CNOT3: variants seen among roughly 807,000 people sequenced by gnomAD.
CNOT3 encodes CCR4-associated factor 3.
In CNOT3, 2 loss-of-function variants were observed where a neutral mutation model predicts 89.4. The ratio of observed to expected loss-of-function variants is 0.02; its 90% CI spans 0.01 to 0.07. The LOEUF (loss-of-function observed/expected upper bound fraction) is 0.07, where lower values mean the gene tolerates loss of function less well. Ranked by LOEUF, CNOT3 falls within the 10% of genes least tolerant of loss-of-function variation. The probability of loss-of-function intolerance (pLI) is 1.00; values close to 1 mark genes in which losing one functional copy is unlikely to be tolerated. For synonymous variants in CNOT3, 486 were observed against 402.0 expected (o/e 1.21, Z -2.50); for missense variants, 664 against 1,010.2 (o/e 0.66, Z 4.65).
Position 54,148,391 on chromosome 19 carries a change from C to G in CNOT3, c.1138C>G (p.Pro380Ala). 6.4e-7 allele frequency: 1 copy of G among 1,561,996 alleles called. No homozygotes were observed. The highest frequency in any genetic ancestry group is 8.7e-7 in the Non-Finnish European group (1 of 1,152,120). Reference protein sequence around the residue: ...PYAQAVAPPAPSGPSTTQPRP... With the variant: ...PYAQAVAPPAASGPSTTQPRP... ...TGCCCAGGCTGTGGCCCCACCAGCT[C>G]CCAGTGGGCCCAGCACGACCCAGCC... is the stretch of plus-strand genomic sequence containing the variant. Residue 380 changes from proline (P) to alanine (A), a missense_variant, in exon 11 of 18, where the codon CCC becomes GCC. Physicochemically the swap from Pro to Ala is conservative, Grantham distance 27. Around this residue, in one of 8 missense-constraint regions of CNOT3, gnomAD observed 545 missense variants for 566.2 expected, o/e 0.96. Transcript: ENST00000221232. The surrounding 1 kb of genome is among the most constrained non-coding windows in gnomAD (Gnocchi z 6.3).
At position 54,145,823 on chromosome 19, in the gene CNOT3, G is replaced by A. The variant is rs921159903; in HGVS notation, c.703+6G>A. The A allele has an allele frequency of 2.5e-6, 4 of 1,610,320 alleles. No homozygotes were observed. Among genetic ancestry groups the A allele is most frequent in the Non-Finnish European group, 3.4e-6 (4 of 1,176,932 alleles). On this transcript the variant is annotated splice_donor_region_variant and intron_variant, in intron 8 of 17. Coordinates refer to ENST00000221232, the MANE Select transcript of CNOT3 (RefSeq NM_014516.4). This position sits in a 1 kb window ranked among gnomAD's most constrained non-coding sequence, Gnocchi z 5.9. ...CCTGGACCTCGAGGACATTCGTGAGGCCCTGGGGCTGATCGTGGCACAGGA... is the reference window on the plus strand; with the variant it reads ...CCTGGACCTCGAGGACATTCGTGAGACCCTGGGGCTGATCGTGGCACAGGA...
chr19:54,139,477 G>A (rs2074362155), intron 1 of CNOT3, among the ~76,000 whole-genome samples: 1 of 152,104 alleles, frequency 6.6e-6, no homozygotes, highest in South Asian at 2.1e-4. Context: ...CTGCGAGGTG[G>A]GGGCTCTTCC....
In CNOT3 at chr19:54,145,533, T is replaced by A; in HGVS notation, c.484-65T>A. On this transcript the variant is annotated intron_variant, in intron 7 of 17. Transcript: ENST00000221232. This position sits in a 1 kb window ranked among gnomAD's most constrained non-coding sequence, Gnocchi z 5.9. ...GGTCAGGGACTGAGGACAGGTTCTG[T>A]GGGGGCAGGAGGGGCCAAGCAGGTG... 1 of 1,120,034 alleles carries A rather than the reference T, an allele frequency of 8.9e-7. No homozygotes were observed. 69.4% of individuals were successfully genotyped at this position (1,120,034 alleles called of 1,614,324 possible). A position where few individuals can be genotyped will look rare whatever the true frequency, so the allele number is the denominator to read the frequency against.
Position 54,143,342 on chromosome 19 carries a change from T to TGGG in CNOT3, c.94-94_94-92dup, listed in dbSNP as rs34281370. 1.3e-3 allele frequency: 1,208 copies of TGGG among 947,200 alleles called. 1 individual carries two copies. Among genetic ancestry groups the TGGG allele is most frequent in the East Asian group, 6.4e-3 (207 of 32,312 alleles). 58.7% of individuals were successfully genotyped at this position (947,200 alleles called of 1,614,324 possible). ...TCTAAGATGGATTGGGGGTAGGGGTTGGGGGGGGTCCTCGAGTCCCTAGCA... is the reference window on the plus strand; with the variant it reads ...TCTAAGATGGATTGGGGGTAGGGGTTGGGGGGGGGGGTCCTCGAGTCCCTAGCA... On this transcript the variant is annotated intron_variant, in intron 3 of 17. Coordinates refer to ENST00000221232, the MANE Select transcript of CNOT3 (RefSeq NM_014516.4).
rs745602918 is a variant in CNOT3, at chr19:54,148,418, C to T, written c.1165C>T (p.Arg389Trp). ...APSGPSTTQP[R>W]PPSVQPSGGG... ...CAGTGGGCCCAGCACGACCCAGCCCCGGCCCCCCAGCGTCCAGCCTAGCGG... is the reference window on the plus strand; with the variant it reads ...CAGTGGGCCCAGCACGACCCAGCCCTGGCCCCCCAGCGTCCAGCCTAGCGG... The change falls in exon 11 of 18, where the codon CGG becomes TGG. Residue 389 changes from arginine to tryptophan, a missense_variant. Arg to Trp is a moderately radical substitution (Grantham distance 101, BLOSUM62 -3). Around this residue, in one of 8 missense-constraint regions of CNOT3, gnomAD observed 545 missense variants for 566.2 expected, o/e 0.96. Coordinates refer to ENST00000221232, the MANE Select transcript of CNOT3 (RefSeq NM_014516.4). This position sits in a 1 kb window ranked among gnomAD's most constrained non-coding sequence, Gnocchi z 6.3. The T allele has an allele frequency of 3.0e-5, 47 of 1,564,310 alleles. No individual in the cohort carries two copies. Among genetic ancestry groups the T allele is most frequent in the African/African-American group, 9.5e-5 (7 of 73,802 alleles).
At position 54,142,968 on chromosome 19, in the gene CNOT3, G is replaced by A; in HGVS notation, c.-11G>A. On this transcript the variant is annotated 5_prime_UTR_variant, in exon 2 of 18. An upstream open reading frame in the 5' UTR loses its in-frame stop. Transcript: ENST00000221232. ...AGAGTATGAAGAGAGTGCGTCTGTA[G>A]GGCAGGGAAGATGGCGGACAAGCGC... is the stretch of plus-strand genomic sequence containing the variant. 4 of 1,613,880 alleles carry A rather than the reference G, an allele frequency of 2.5e-6. No individual in the cohort carries two copies. Among genetic ancestry groups the A allele is most frequent in the Non-Finnish European group, 3.4e-6 (4 of 1,179,888 alleles).
chr19:54,138,391 C>T (rs2074305961), intron 1 of CNOT3, among the ~76,000 whole-genome samples: 1 of 152,164 alleles, frequency 6.6e-6, no homozygotes, highest in Admixed American at 6.5e-5. Flanking sequence ...GATGGAGGCG[C>T]CCCTGGTCCC....
rs1190691591 is a variant in CNOT3, at chr19:54,149,711, G to A, written c.1558G>A (p.Ala520Thr). ...CTTCAGTGATGCCAAGGCAGCCGGT[G>A]CCCTGCTCAATGGGCCTCCACAGTT... is the stretch of plus-strand genomic sequence containing the variant. ...PSFSDAKAAG[A>T]LLNGPPQFST... Residue 520 changes from alanine (A) to threonine (T), a missense_variant, in exon 13 of 18, where the codon GCC becomes ACC. Physicochemically the swap from Ala to Thr is moderately conservative, Grantham distance 58. Transcript: ENST00000221232. The A allele has an allele frequency of 1.2e-6, 2 of 1,613,922 alleles. No individual in the cohort carries two copies. The highest frequency in any genetic ancestry group is 8.5e-7 in the Non-Finnish European group (1 of 1,179,922).
At chr19:54,147,013 C>G (rs1490251720) in intron 10 of CNOT3, among the ~76,000 whole-genome samples, 2 of 152,290 alleles carry the variant, frequency 1.3e-5, no homozygotes, top group East Asian at 3.9e-4. Flanking sequence ...CTGGCCAGGT[C>G]TGCAGGGCCA....
intron 16 of CNOT3, 113 bp from the exon 17 acceptor site, chr19:54,153,602 A>G (rs2075263372): frequency 1.2e-6 from 1 of 823,164 alleles, no homozygotes; most frequent in Non-Finnish European, 2.2e-6. Context: ...GTCCAGCCCA[A>G]CTGTGGTCTG....
At chr19:54,139,866 AG>A (rs1568624350) in intron 1 of CNOT3, among the ~76,000 whole-genome samples, 1 of 152,032 alleles carries the variant, frequency 6.6e-6, no homozygotes, top group Non-Finnish European at 1.5e-5. Context: ...GGGGCATCTC[AG>A]TGGAGATGAC....
intron 3 of CNOT3, 94 bp from the exon 4 acceptor site, chr19:54,143,348 G>GGC (rs1194348911): frequency 6.3e-5 from 86 of 1,361,958 alleles, no homozygotes; most frequent in East Asian, 2.1e-4. Flanking sequence ...GGGTTGGGGG[G>GGC]GGTCCTCGAG....
intron 16 of CNOT3, chr19:54,153,455 T>C: frequency 1.3e-6 from 1 of 774,540 alleles, no homozygotes; most frequent in Non-Finnish European, 2.4e-6. Flanking sequence ...TTGCCTCCTC[T>C]CTCAGCTCTC....
intron 3 of CNOT3, 95 bp from the exon 4 acceptor site, chr19:54,143,347 G>GGC (rs1416701257): frequency 1.1e-5 from 15 of 1,358,798 alleles, no homozygotes; most frequent in Non-Finnish European, 1.6e-5. Flanking sequence ...GGGGTTGGGG[G>GGC]GGGTCCTCGA....
At position 54,138,894 on chromosome 19, in the gene CNOT3, T is replaced by C. The variant is rs146481866; in HGVS notation, c.-51+901T>C. Among the ~76,000 whole-genome samples the C allele has an allele frequency of 8.5e-5, 13 of 152,322 alleles. No individual in the cohort carries two copies. In the East Asian group the frequency reaches 2.5e-3, roughly 29 times the overall value. ...CACGTCTGGTCTCAGCTCTCACACT[T>C]CTTTGATCCTGGCGTCTGCCCCTGG... On this transcript the variant is annotated intron_variant, in intron 1 of 17. Coordinates refer to ENST00000221232, the MANE Select transcript of CNOT3 (RefSeq NM_014516.4).
Position 54,148,988 on chromosome 19 carries a change from T to C in CNOT3, c.1406+245T>C, listed in dbSNP as rs1261519257. 6.6e-6 allele frequency among the ~76,000 whole-genome samples: 1 copy of C among 152,202 alleles called. No homozygotes were observed. Among genetic ancestry groups the C allele is most frequent in the Admixed American group, 6.5e-5 (1 of 15,278 alleles). On this transcript the variant is annotated intron_variant, in intron 12 of 17. Coordinates refer to ENST00000221232, the MANE Select transcript of CNOT3 (RefSeq NM_014516.4). The surrounding 1 kb of genome is among the most constrained non-coding windows in gnomAD (Gnocchi z 6.3). ...TACGTTCTCATCTAAGTGGAAGTTT[T>C]CTCAAGAGCCCCATACCCTTTCCTC...
rs1048295865 is a variant in CNOT3, at chr19:54,155,434, C to T, written c.*27C>T. On this transcript the variant is annotated 3_prime_UTR_variant, in exon 18 of 18. Transcript: ENST00000221232. ...ACCGGCCCCTCCCTCTACCCACCCC[C>T]TTCCCCCGCATGCTGATCCCCCTGC... 2.7e-6 allele frequency: 4 copies of T among 1,473,504 alleles called. No homozygotes were observed. The highest frequency in any genetic ancestry group is 1.4e-5 in the African/African-American group (1 of 72,028). The allele number at this position is 1,473,504 out of a possible 1,614,324, so 91.3% of individuals were successfully genotyped here. A position where few individuals can be genotyped will look rare whatever the true frequency, so the allele number is the denominator to read the frequency against.
intron 1 of CNOT3, 129 bp from the exon 2 acceptor site, chr19:54,142,800 C>CT (rs1443671885): frequency 1.2e-5 from 8 of 665,436 alleles, no homozygotes; most frequent in Non-Finnish European, 2.2e-5. Context: ...GGGCTGGTCT[C>CT]TTGTCAGATA....
Position 54,152,412 on chromosome 19 carries a change from C to A in CNOT3, c.1706-16C>A, listed in dbSNP as rs1259223253. 3 of 1,613,766 alleles carry A rather than the reference C, an allele frequency of 1.9e-6. No homozygotes were observed. In the African/African-American group the frequency reaches 4.0e-5, roughly 22 times the overall value. Reference sequence around the variant, plus strand: ...TCCTCACCACTGAGGGGGCCGGACCCCCACCCTCCCCACAGACATCATCCT... The same window carrying A: ...TCCTCACCACTGAGGGGGCCGGACCACCACCCTCCCCACAGACATCATCCT... On this transcript the variant is annotated splice_polypyrimidine_tract_variant and intron_variant, in intron 14 of 17. Transcript: ENST00000221232.
Sources: allele counts gnomAD v4.1 joint callset (sites outside exome capture counted in the v4.1 genomes callset), GRCh38; gene constraint gnomAD v4.1.1; regional missense constraint gnomAD v4.1.1; non-coding constraint Gnocchi (gnomAD v3.1); transcripts MANE v1.5; gene names NCBI Gene and HGNC (gene_info 2026-07-23, HGNC 2026-07-21).